The following TSHZ2 variants were observed in gnomAD, a reference collection of about 807,000 sequenced individuals.
The protein encoded by TSHZ2 is teashirt homolog 2.
A neutral mutation model predicts 74.4 loss-of-function variants in TSHZ2; 21 were observed. That is an observed-to-expected ratio of 0.28 (90% CI 0.20 to 0.41). The LOEUF is 0.41. TSHZ2 is among the 10% of genes least tolerant of loss of function. TSHZ2 has a pLI of 1.00. For missense variants in TSHZ2, 1,244 were observed against 1,293.5 expected, an observed-to-expected ratio of 0.96 and a Z score of 0.59; for synonymous variants, 540 against 515.3, an observed-to-expected ratio of 1.05 and a Z score of -0.65.
intron 1 of TSHZ2, among the ~76,000 whole-genome samples, chr20:53,161,431 G>A (rs1987937382): frequency 6.6e-6 from 1 of 152,286 alleles, no homozygotes; most frequent in Admixed American, 6.5e-5. Context: ...AGCCTTACAT[G>A]TGTAGTAGTC....
chr20:53,162,624 C>T (rs1987970173), intron 1 of TSHZ2, among the ~76,000 whole-genome samples: 1 of 152,160 alleles, frequency 6.6e-6, no homozygotes. Flanking sequence ...ATCAATCCTG[C>T]CTTCCTTGTC....
At position 53,488,959 on chromosome 20, in the gene TSHZ2, G is replaced by A. The variant is rs1379936266; in HGVS notation, c.*1824G>A. The A allele has an allele frequency of 6.6e-6, 3 of 455,886 alleles. No homozygotes were observed. Among genetic ancestry groups the A allele is most frequent in the East Asian group, 7.0e-5 (1 of 14,388 alleles). 28.2% of individuals were successfully genotyped at this position (455,886 alleles called of 1,614,324 possible). A position where few individuals can be genotyped will look rare whatever the true frequency, so the allele number is the denominator to read the frequency against. On this transcript the variant is annotated 3_prime_UTR_variant, in exon 3 of 3. Transcript: ENST00000371497. The stretch of plus-strand genomic sequence containing the variant: ...GATGGGAAAAAATATGGCGCTTCGG[G>A]GAAGGAGGGAAAAAGTAAATGAAGT...
intron 2 of TSHZ2, among the ~76,000 whole-genome samples, chr20:53,271,581 C>T (rs1478362245): frequency 6.6e-6 from 1 of 152,138 alleles, no homozygotes; most frequent in Admixed American, 6.5e-5. Flanking sequence ...ACTGCTAGCA[C>T]AACAGAAGTA....
At chr20:53,273,749 G>A (rs1159363642) in intron 2 of TSHZ2, among the ~76,000 whole-genome samples, 11 of 152,150 alleles carry the variant, frequency 7.2e-5, no homozygotes, top group Admixed American at 5.2e-4. Context: ...AGGAATGCGT[G>A]GACCTGGGAG....
intron 1 of TSHZ2, among the ~76,000 whole-genome samples, chr20:53,116,407 C>CT (rs1240663412): frequency 1.3e-5 from 2 of 152,190 alleles, no homozygotes; most frequent in Non-Finnish European, 2.9e-5. Context: ...GGCCACCTCT[C>CT]TGGGTGCCCC....
intron 2 of TSHZ2, among the ~76,000 whole-genome samples, chr20:53,341,522 A>G (rs189694666): frequency 6.6e-6 from 1 of 150,920 alleles, no homozygotes; most frequent in Admixed American, 6.6e-5. Flanking sequence ...TGGGGTCCTT[A>G]CTATGTTGAC....
In TSHZ2 at chr20:53,490,174, AT is replaced by A. The variant is rs1318892186; in HGVS notation, c.*3040del. On this transcript the variant is annotated 3_prime_UTR_variant, in exon 3 of 3. Coordinates refer to ENST00000371497, the MANE Select transcript of TSHZ2 (RefSeq NM_173485.6). ...TTGAGATGTCCATTTAAAAATTTAT[AT>A]GTCAATATTTAAATGTTACATATTT... is the stretch of plus-strand genomic sequence containing the variant. 1 of 152,206 alleles carries A rather than the reference AT, an allele frequency of 6.6e-6. No homozygotes were observed. Among genetic ancestry groups the A allele is most frequent in the Non-Finnish European group, 1.5e-5 (1 of 68,046 alleles). The allele number at this position is 152,206 out of a possible 1,614,324, so 9.4% of individuals were successfully genotyped here. A position where few individuals can be genotyped will look rare whatever the true frequency, so the allele number is the denominator to read the frequency against.
chr20:53,240,396 A>T (rs1283521001), intron 1 of TSHZ2, among the ~76,000 whole-genome samples: 3 of 152,148 alleles, frequency 2.0e-5, no homozygotes, highest in Non-Finnish European at 4.4e-5. Context: ...AACACTAGTG[A>T]TCTCTTCAGC....
intron 1 of TSHZ2, among the ~76,000 whole-genome samples, chr20:53,086,663 T>C (rs1985709142): frequency 6.6e-6 from 1 of 152,158 alleles, no homozygotes; most frequent in African/African-American, 2.4e-5. Flanking sequence ...ATCCTAACAA[T>C]TATTTATAGG....
At chr20:52,974,609 T>C (rs540109994) in intron 1 of TSHZ2, among the ~76,000 whole-genome samples, 2 of 152,354 alleles carry the variant, frequency 1.3e-5, no homozygotes, top group Admixed American at 1.3e-4. Context: ...GTTCCAACTC[T>C]AGCAAAACAT....
chr20:52,984,710 C>A (rs1981689081), intron 1 of TSHZ2, among the ~76,000 whole-genome samples: 1 of 152,118 alleles, frequency 6.6e-6, no homozygotes, highest in Admixed American at 6.5e-5. Flanking sequence ...TGCGATTTAT[C>A]AGGGACCCAG....
chr20:53,148,376 A>G (rs1247793507), intron 1 of TSHZ2, among the ~76,000 whole-genome samples: 1 of 152,206 alleles, frequency 6.6e-6, no homozygotes, highest in East Asian at 1.9e-4. Flanking sequence ...AGCTTCCCAC[A>G]GTGCACAGGA....
At chr20:53,206,851 C>G (rs6068480) in intron 1 of TSHZ2, among the ~76,000 whole-genome samples, 37,825 of 152,136 alleles carry the variant, frequency 0.25, 5,118 homozygotes, top group Admixed American at 0.37. Context: ...TCCTAACCTT[C>G]CCTTGATAAG....
intron 1 of TSHZ2, among the ~76,000 whole-genome samples, chr20:53,194,630 TGGCAGTTGAGGGGGCTTG>T (rs1301941906): frequency 2.6e-5 from 4 of 152,216 alleles, no homozygotes; most frequent in African/African-American, 9.6e-5. Flanking sequence ...CTTTGTAAGA[TGGCAGTTGAGGGGGCTTG>T]GGCAATTGAT....
intron 1 of TSHZ2, among the ~76,000 whole-genome samples, chr20:53,000,429 GA>G (rs1982368488): frequency 6.6e-6 from 1 of 152,158 alleles, no homozygotes; most frequent in Non-Finnish European, 1.5e-5. Context: ...TTAGGTGGTA[GA>G]AGCATGAATT....
intron 1 of TSHZ2, among the ~76,000 whole-genome samples, chr20:53,180,684 A>G (rs1305664274): frequency 1.3e-5 from 2 of 152,204 alleles, no homozygotes; most frequent in South Asian, 2.1e-4. Context: ...TTCGGGTGAT[A>G]GGTACACTAA....
chr20:53,062,972 T>C (rs758247766), intron 1 of TSHZ2, among the ~76,000 whole-genome samples: 3 of 152,152 alleles, frequency 2.0e-5, no homozygotes, highest in Admixed American at 6.6e-5. Flanking sequence ...ATTTCCCTAA[T>C]TTCAGGAAAT....
At chr20:52,991,474 G>T (rs964775584) in intron 1 of TSHZ2, among the ~76,000 whole-genome samples, 2 of 142,464 alleles carry the variant, frequency 1.4e-5, no homozygotes, top group Non-Finnish European at 3.0e-5. Flanking sequence ...GTGGGTATTA[G>T]TGTGTGTGTT....
rs62206360 is a variant in TSHZ2 at position 53,374,256 on chromosome 20, T to A, written c.*9-112888T>A. Among the ~76,000 whole-genome samples, 660 of 152,130 alleles carry A rather than the reference T, an allele frequency of 4.3e-3. 4 individuals carry two copies. Among genetic ancestry groups the A allele is most frequent in the Non-Finnish European group, 7.5e-3 (506 of 67,850 alleles). On this transcript the variant is annotated intron_variant, in intron 2 of 2. Transcript: ENST00000371497. ...AACACATGGTATTGGTTTTTCTGTT[T>A]CTGTGTTACTTCACTTAAGATAATG...
Sources: allele counts gnomAD v4.1 joint callset (sites outside exome capture counted in the v4.1 genomes callset), GRCh38; gene constraint gnomAD v4.1.1; transcripts MANE v1.5; gene names NCBI Gene and HGNC (gene_info 2026-07-23, HGNC 2026-07-21).